The following YY1 variants were observed in gnomAD, a reference collection of about 807,000 sequenced individuals.
YY1 encodes YY1 transcription factor, also known as transcriptional repressor protein YY1.
In YY1, 2 loss-of-function variants were observed where a neutral mutation model predicts 35.6. The observed-to-expected ratio is 0.06, with a 90% confidence interval of 0.02 to 0.18. YY1 has a LOEUF of 0.18. Among genes scored for constraint, YY1 ranks in the 10% least tolerant of loss-of-function variants. The pLI, the probability that YY1 is intolerant of heterozygous loss-of-function variation, is 1.00. For synonymous variants in YY1, 268 were observed against 238.9 expected, an observed-to-expected ratio of 1.12 and a Z score of -1.12; for missense variants, 322 against 573.4, an observed-to-expected ratio of 0.56 and a Z score of 4.48.
chr14:100,269,742 A>G (rs1891206736), intron 2 of YY1, among the ~76,000 whole-genome samples: 1 of 152,152 alleles, frequency 6.6e-6, no homozygotes, highest in African/African-American at 2.4e-5. Context: ...CTGCATTTAA[A>G]TCTTCCACTT....
Position 100,276,208 on chromosome 14 carries a change from G to A in YY1, c.904-282G>A, listed in dbSNP as rs1476162148. On this transcript the variant is annotated intron_variant, in intron 3 of 4. Coordinates refer to ENST00000262238, the MANE Select transcript of YY1 (RefSeq NM_003403.5). The surrounding 1 kb of genome is among the most constrained non-coding windows in gnomAD (Gnocchi z 4.1). ...GGGTGTTGGGTTCTATTCCCAGTTT[G>A]GCTACTACTAGTAGTGTGACCTTGG... 4 of 423,430 alleles carry A rather than the reference G, an allele frequency of 9.4e-6. No individual in the cohort carries two copies. The highest frequency in any genetic ancestry group is 1.8e-5 in the Non-Finnish European group (4 of 227,670). 26.2% of individuals were successfully genotyped at this position (423,430 alleles called of 1,614,324 possible). A position where few individuals can be genotyped will look rare whatever the true frequency, so the allele number is the denominator to read the frequency against.
Position 100,249,754 on chromosome 14 carries a change from T to TTG in YY1, c.679+9832_679+9833insGT, listed in dbSNP as rs1555369505. Among the ~76,000 whole-genome samples the TTG allele has an allele frequency of 1.2e-3, 117 of 95,618 alleles. 1 individual carries two copies. Among genetic ancestry groups the TTG allele is most frequent in the African/African-American group, 3.0e-3 (58 of 19,262 alleles). The allele number at this position is 95,618 out of a possible 152,430, so 62.7% of individuals were successfully genotyped here. On this transcript the variant is annotated intron_variant, in intron 1 of 4. Coordinates refer to ENST00000262238, the MANE Select transcript of YY1 (RefSeq NM_003403.5). ...CTCAGATTTGCTACTTACCGTTTTT[T>TTG]TTTTTGTTTGTTTTTGTTTTTGTTT...
At chr14:100,258,898 C>G (rs571861070) in intron 1 of YY1, among the ~76,000 whole-genome samples, 1 of 152,198 alleles carries the variant, frequency 6.6e-6, no homozygotes, top group Non-Finnish European at 1.5e-5. Flanking sequence ...TCAAATGGAA[C>G]CTACGTTCTA....
intron 2 of YY1, 69 bp downstream of exon 2, chr14:100,262,535 T>A: frequency 6.6e-7 from 1 of 1,513,258 alleles, no homozygotes; most frequent in Non-Finnish European, 9.2e-7. Context: ...TATGTTTTCC[T>A]GTGCCTAAGT....
chr14:100,254,492 CT>C (rs1566773464), intron 1 of YY1, among the ~76,000 whole-genome samples: 2 of 152,098 alleles, frequency 1.3e-5, no homozygotes, highest in Admixed American at 1.3e-4. Context: ...GAGTCTTACT[CT>C]GTCGCCCAGG....
At chr14:100,242,753 T>C (rs192447467) in intron 1 of YY1, among the ~76,000 whole-genome samples, 1 of 151,884 alleles carries the variant, frequency 6.6e-6, no homozygotes, top group Non-Finnish European at 1.5e-5. Flanking sequence ...TCTTCTCTTT[T>C]CTTTTTTTAA....
Position 100,239,666 on chromosome 14 carries a change from GCGA to G in YY1, c.430_432del (p.Asp144del). The G allele has an allele frequency of 4.4e-6, 7 of 1,609,028 alleles. No individual in the cohort carries two copies. Among genetic ancestry groups the G allele is most frequent in the Non-Finnish European group, 5.9e-6 (7 of 1,179,534 alleles). On this transcript the variant is annotated inframe_deletion, in exon 1 of 5. Transcript: ENST00000262238. ...ATCCCGGTGCCCGCGCCGGCCGGCG[GCGA>G]CGACGACTACATTGAACAAACGCTG...
chr14:100,240,970 T>C (rs1890730605), intron 1 of YY1, among the ~76,000 whole-genome samples: 1 of 152,078 alleles, frequency 6.6e-6, no homozygotes, highest in South Asian at 2.1e-4. Flanking sequence ...AGAAAGCGGG[T>C]TTTTTTGAGT....
chr14:100,261,592 C>T (rs1181130955), intron 1 of YY1, among the ~76,000 whole-genome samples: 3 of 152,148 alleles, frequency 2.0e-5, no homozygotes, highest in African/African-American at 7.2e-5. Flanking sequence ...ATGCAGCTTA[C>T]AGTCTAGTGG....
chr14:100,273,180 G>A (rs77093206), intron 2 of YY1, among the ~76,000 whole-genome samples: 4,546 of 152,156 alleles, frequency 0.03, 253 homozygotes, highest in African/African-American at 0.1. Context: ...GGCCAACATA[G>A]TGTCAAACTC....
Position 100,239,845 on chromosome 14 carries a change from G to C in YY1, c.601G>C (p.Gly201Arg). Residue 201 changes from glycine (G) to arginine (R), a missense_variant, in exon 1 of 5, where the codon GGC (glycine) becomes CGC (arginine). Coordinates refer to ENST00000262238, the MANE Select transcript of YY1 (RefSeq NM_003403.5). Reference sequence around the variant, plus strand: ...GGCGGGCGGCGGCGGCGCCGACCCGGGCAACAAGAAGTGGGAGCAGAAGCA... The same window carrying C: ...GGCGGGCGGCGGCGGCGCCGACCCGCGCAACAAGAAGTGGGAGCAGAAGCA... ...GAAGGGGADPGNKKWEQKQVQ... is the reference protein window; with the variant it reads ...GAAGGGGADPRNKKWEQKQVQ... The C allele has an allele frequency of 6.6e-7, 1 of 1,507,010 alleles. No individual in the cohort carries two copies. 93.4% of individuals were successfully genotyped at this position (1,507,010 alleles called of 1,614,324 possible).
chr14:100,254,056 G>T (rs1010186903), intron 1 of YY1, among the ~76,000 whole-genome samples: 2 of 150,940 alleles, frequency 1.3e-5, no homozygotes, highest in Non-Finnish European at 3.0e-5. Flanking sequence ...GGCTGGTCTC[G>T]AACTCCTGAC....
At chr14:100,247,968 CAG>C (rs755179426) in intron 1 of YY1, among the ~76,000 whole-genome samples, 154 of 152,156 alleles carry the variant, frequency 1.0e-3, no homozygotes, top group Admixed American at 2.4e-3. Context: ...TTCTTTTTTA[CAG>C]AGTCTTACTC....
At chr14:100,263,050 T>A (rs992509613) in intron 2 of YY1, among the ~76,000 whole-genome samples, 6 of 152,138 alleles carry the variant, frequency 3.9e-5, no homozygotes, top group Non-Finnish European at 7.4e-5. Flanking sequence ...TGGGATTACA[T>A]GCGTGTGCCA....
rs76675246 is a variant in YY1 at position 100,239,450 on chromosome 14, G to GCCA, written c.222_224dup (p.His80dup). On this transcript the variant is annotated inframe_insertion, in exon 1 of 5. Coordinates refer to ENST00000262238, the MANE Select transcript of YY1 (RefSeq NM_003403.5). ...GGCGGGGGCGGCCACGGGCACGCCG[G>GCCA]CCACCACCACCACCACCATCACCAC... 1.3e-4 allele frequency: 200 copies of GCCA among 1,595,220 alleles called. No individual in the cohort carries two copies. The highest frequency in any genetic ancestry group is 1.4e-4 in the Non-Finnish European group (160 of 1,173,206).
At chr14:100,246,436 C>T (rs1157419127) in intron 1 of YY1, among the ~76,000 whole-genome samples, 2 of 152,184 alleles carry the variant, frequency 1.3e-5, no homozygotes, top group African/African-American at 4.8e-5. Context: ...GCCTCATGCT[C>T]CGGGTAGAGA....
chr14:100,245,093 C>T (rs1014691682), intron 1 of YY1, among the ~76,000 whole-genome samples: 1 of 152,006 alleles, frequency 6.6e-6, no homozygotes. Context: ...CCCGCTGCCA[C>T]ACCCGGCTAA....
At position 100,278,473 on chromosome 14, in the gene YY1, A is replaced by G. The variant is rs1367070711; in HGVS notation, c.*873A>G. ...ATAAAATAGCAATCCTAAAGCAAGA[A>G]TATGGCAGAACAAGATCTGTAAGCA... is the stretch of plus-strand genomic sequence containing the variant. On this transcript the variant is annotated 3_prime_UTR_variant, in exon 5 of 5. Transcript: ENST00000262238. The G allele has an allele frequency of 2.6e-5, 4 of 152,768 alleles. No individual in the cohort carries two copies. In the East Asian group the frequency reaches 5.8e-4, roughly 22 times the overall value. The allele number at this position is 152,768 out of a possible 1,614,324, so 9.5% of individuals were successfully genotyped here.
At chr14:100,273,855 A>G (rs774601897) in intron 2 of YY1, among the ~76,000 whole-genome samples, 4 of 152,228 alleles carry the variant, frequency 2.6e-5, no homozygotes, top group Non-Finnish European at 5.9e-5. Context: ...ACAAAAGTCC[A>G]AAGCTTGATT....
Sources: allele counts gnomAD v4.1 joint callset (sites outside exome capture counted in the v4.1 genomes callset), GRCh38; gene constraint gnomAD v4.1.1; non-coding constraint Gnocchi (gnomAD v3.1); transcripts MANE v1.5; gene names NCBI Gene and HGNC (gene_info 2026-07-23, HGNC 2026-07-21).